The following LDB2 variants were observed in gnomAD, a reference collection of about 807,000 sequenced individuals.
LDB2 encodes LIM domain binding 2.
In LDB2, 12 loss-of-function variants were observed where a neutral mutation model predicts 44.3. The ratio of observed to expected loss-of-function variants is 0.27; its 90% CI spans 0.17 to 0.44. LDB2 has a LOEUF of 0.44. Ranked by LOEUF, LDB2 falls within the 20% of genes least tolerant of loss-of-function variation. LDB2 has a pLI of 1.00. For missense variants in LDB2, 344 were observed against 473.5 expected (o/e 0.73, Z 2.54); for synonymous variants, 164 against 174.8 (o/e 0.94, Z 0.49).
At chr4:16,681,010 T>C (rs2152567724) in intron 2 of LDB2, among the ~76,000 whole-genome samples, 1 of 152,308 alleles carries the variant, frequency 6.6e-6, no homozygotes, top group African/African-American at 2.4e-5. Context: ...TACTGGCCCT[T>C]GGTTATTCAA....
intron 2 of LDB2, among the ~76,000 whole-genome samples, chr4:16,656,597 G>C (rs1214795543): frequency 2.0e-5 from 3 of 152,218 alleles, no homozygotes; most frequent in African/African-American, 7.2e-5. Context: ...TGACTTTATG[G>C]TGTCGGCAAG....
chr4:16,784,147 C>T lies in LDB2; in HGVS notation c.133-24887G>A, dbSNP rs990866639. ...AATCAGCGTTTCATCTCATGTAAGC[C>T]TCATGGCACCCTGGGGCACATAGGC... is the stretch of plus-strand genomic sequence containing the variant. On this transcript the variant is annotated intron_variant, in intron 1 of 7. Transcript: ENST00000304523. Among the ~76,000 whole-genome samples the T allele has an allele frequency of 5.9e-5, 9 of 152,218 alleles. No individual in the cohort carries two copies. In the East Asian group the frequency reaches 1.5e-3, roughly 26 times the overall value.
chr4:16,749,573 TAA>T (rs1365546351), intron 2 of LDB2, among the ~76,000 whole-genome samples: 1 of 128,556 alleles, frequency 7.8e-6, no homozygotes, highest in East Asian at 2.5e-4. Context: ...AAAAAAAAAA[TAA>T]AAAAATAAAA....
At chr4:16,516,892 T>G (rs987175518) in intron 5 of LDB2, among the ~76,000 whole-genome samples, 2 of 152,222 alleles carry the variant, frequency 1.3e-5, no homozygotes, top group African/African-American at 4.8e-5. Context: ...AGTCCGGGGC[T>G]GGAGAGGCAG....
At position 16,863,854 on chromosome 4, in the gene LDB2, G is replaced by A. The variant is rs886922747; in HGVS notation, c.132+34500C>T. ...TTTTTGTATTTTTAGTAGAGACGGG[G>A]TTTTTCCGTGTTAGCCAGGATGGTC... On this transcript the variant is annotated intron_variant, in intron 1 of 7. Coordinates refer to ENST00000304523, the MANE Select transcript of LDB2 (RefSeq NM_001290.5). Among the ~76,000 whole-genome samples, 4 of 152,004 alleles carry A rather than the reference G, an allele frequency of 2.6e-5. No homozygotes were observed. In the East Asian group the frequency reaches 7.8e-4, roughly 30 times the overall value.
chr4:16,633,597 T>C (rs1732665959), intron 2 of LDB2, among the ~76,000 whole-genome samples: 1 of 152,092 alleles, frequency 6.6e-6, no homozygotes, highest in African/African-American at 2.4e-5. Context: ...AAACCACTGC[T>C]CAAGGAAATA....
chr4:16,730,997 G>A (rs1233433839), intron 2 of LDB2, among the ~76,000 whole-genome samples: 2 of 152,158 alleles, frequency 1.3e-5, no homozygotes, highest in East Asian at 3.9e-4. Context: ...TTAGGACAAA[G>A]CTTTCCCACA....
At chr4:16,696,405 A>G (rs568674349) in intron 2 of LDB2, among the ~76,000 whole-genome samples, 17 of 152,370 alleles carry the variant, frequency 1.1e-4, no homozygotes, top group Non-Finnish European at 2.4e-4. Flanking sequence ...TGAAGAAAAA[A>G]TAATCCAAGT....
chr4:16,561,664 A>G (rs899848890), intron 5 of LDB2, among the ~76,000 whole-genome samples: 5 of 152,224 alleles, frequency 3.3e-5, no homozygotes, highest in East Asian at 1.9e-4. Flanking sequence ...TATAGATTCA[A>G]TGCCATCCCC....
At chr4:16,739,712 ATG>A (rs1466554556) in intron 2 of LDB2, among the ~76,000 whole-genome samples, 1 of 78,282 alleles carries the variant, frequency 1.3e-5, no homozygotes, top group African/African-American at 3.8e-5. Context: ...ATGTGTATAT[ATG>A]TATATATACA....
intron 5 of LDB2, among the ~76,000 whole-genome samples, chr4:16,553,542 T>C (rs1738413158): frequency 6.6e-6 from 1 of 152,070 alleles, no homozygotes; most frequent in South Asian, 2.1e-4. Flanking sequence ...TTGTTGTTGT[T>C]TGTTGTTTGT....
chr4:16,706,346 G>A lies in LDB2; in HGVS notation c.235+52812C>T, dbSNP rs374739483. Among the ~76,000 whole-genome samples, 15 of 152,282 alleles carry A rather than the reference G, an allele frequency of 9.9e-5. 1 individual carries two copies. In the South Asian group the frequency reaches 3.1e-3, roughly 32 times the overall value. The stretch of plus-strand genomic sequence containing the variant: ...ATTAGTGCCATTATAAAAGAAGCCC[G>A]AGAGAGGTCCCTTGCCCCTTCTGCG... On this transcript the variant is annotated intron_variant, in intron 2 of 7. Coordinates refer to ENST00000304523, the MANE Select transcript of LDB2 (RefSeq NM_001290.5).
chr4:16,720,582 C>T (rs984228956), intron 2 of LDB2, among the ~76,000 whole-genome samples: 1 of 152,106 alleles, frequency 6.6e-6, no homozygotes, highest in Non-Finnish European at 1.5e-5. Flanking sequence ...CTCTGATCTT[C>T]TGGCATCATG....
chr4:16,605,358 G>A (rs548946463), intron 2 of LDB2, among the ~76,000 whole-genome samples: 1 of 152,222 alleles, frequency 6.6e-6, no homozygotes, highest in African/African-American at 2.4e-5. Context: ...TGGAGTTAGG[G>A]TGCAATAAAA....
At chr4:16,798,477 G>A (rs1410707920) in intron 1 of LDB2, among the ~76,000 whole-genome samples, 2 of 152,154 alleles carry the variant, frequency 1.3e-5, no homozygotes, top group Non-Finnish European at 2.9e-5. Flanking sequence ...TAAATGCATG[G>A]AAACACACCA....
intron 1 of LDB2, among the ~76,000 whole-genome samples, chr4:16,891,226 A>C (rs1723261382): frequency 6.6e-6 from 1 of 151,690 alleles, no homozygotes; most frequent in Non-Finnish European, 1.5e-5. Context: ...AAAAAAAAAA[A>C]AACCTTTTAG....
At chr4:16,702,505 T>G (rs1560932643) in intron 2 of LDB2, among the ~76,000 whole-genome samples, 2 of 152,162 alleles carry the variant, frequency 1.3e-5, no homozygotes, top group Non-Finnish European at 2.9e-5. Context: ...CCAAGGCCAG[T>G]TTCAAGAAGT....
At chr4:16,612,000 T>C (rs1388145007) in intron 2 of LDB2, among the ~76,000 whole-genome samples, 2 of 152,058 alleles carry the variant, frequency 1.3e-5, no homozygotes, top group Non-Finnish European at 2.9e-5. Flanking sequence ...AGAACGGAAA[T>C]AATAACAAAC....
chr4:16,862,139 G>A (rs990172800), intron 1 of LDB2, among the ~76,000 whole-genome samples: 8 of 152,126 alleles, frequency 5.3e-5, no homozygotes, highest in African/African-American at 1.9e-4. Flanking sequence ...TTACAAGAAT[G>A]GGCACAATCT....
Sources: allele counts gnomAD v4.1 joint callset (sites outside exome capture counted in the v4.1 genomes callset), GRCh38; gene constraint gnomAD v4.1.1; transcripts MANE v1.5; gene names NCBI Gene and HGNC (gene_info 2026-07-23, HGNC 2026-07-21).